Variants in ATP10B observed in about 807,000 individuals in gnomAD.
The protein encoded by ATP10B is phospholipid-transporting ATPase VB.
ATP10B carries 122 observed loss-of-function variants against 141.2 expected under a neutral mutation model. The observed-to-expected ratio is 0.86, with a 90% confidence interval of 0.75 to 1.00. The LOEUF (loss-of-function observed/expected upper bound fraction) is 1.00. Among genes scored for constraint, ATP10B ranks in the 50% least tolerant of loss-of-function variants. ATP10B has a pLI of 0.00. For missense variants in ATP10B, 1,876 were observed against 1,825.3 expected, an observed-to-expected ratio of 1.03 and a Z score of -0.51; for synonymous variants, 685 against 692.0, an observed-to-expected ratio of 0.99 and a Z score of 0.16.
chr5:160,748,585 G>A (rs1213977123), intron 2 of ATP10B, among the ~76,000 whole-genome samples: 1 of 152,166 alleles, frequency 6.6e-6, no homozygotes, highest in East Asian at 1.9e-4. Context: ...CAGTAGACCT[G>A]GCTCCTGCAG....
At chr5:160,571,989 T>A (rs1354051018) in intron 24 of ATP10B, among the ~76,000 whole-genome samples, 1 of 152,210 alleles carries the variant, frequency 6.6e-6, no homozygotes, top group Non-Finnish European at 1.5e-5. Flanking sequence ...TAATGTTGTC[T>A]CTTAGACTCC....
At chr5:160,625,012 G>GT (rs1307012876) in intron 13 of ATP10B, among the ~76,000 whole-genome samples, 1 of 152,136 alleles carries the variant, frequency 6.6e-6, no homozygotes, top group Non-Finnish European at 1.5e-5. Context: ...TATTCATGTG[G>GT]TGTTTCTTAT....
At chr5:160,684,538 G>T (rs544771410) in intron 6 of ATP10B, among the ~76,000 whole-genome samples, 8 of 152,178 alleles carry the variant, frequency 5.3e-5, no homozygotes. Flanking sequence ...TGTGCTCATG[G>T]CCACACTGGG....
At chr5:160,772,389 C>A (rs567645646) in intron 2 of ATP10B, among the ~76,000 whole-genome samples, 1 of 152,248 alleles carries the variant, frequency 6.6e-6, no homozygotes, top group South Asian at 2.1e-4. Context: ...GCCTGTCATC[C>A]AGGAAGCCAA....
chr5:160,615,669 T>C (rs1390696545), intron 17 of ATP10B, among the ~76,000 whole-genome samples, 169 bp downstream of exon 17: 1 of 152,012 alleles, frequency 6.6e-6, no homozygotes, highest in Admixed American at 6.6e-5. Context: ...CTGTGTGTGG[T>C]GTCTGGGTTG....
chr5:160,672,130 C>A (rs989134914), intron 6 of ATP10B, among the ~76,000 whole-genome samples: 8 of 151,932 alleles, frequency 5.3e-5, no homozygotes, highest in Admixed American at 4.6e-4. Flanking sequence ...GCGCCTGCCA[C>A]CATGTCCAGC....
chr5:160,789,871 A>C (rs1262597715), intron 1 of ATP10B, among the ~76,000 whole-genome samples: 3 of 152,202 alleles, frequency 2.0e-5, no homozygotes, highest in Non-Finnish European at 2.9e-5. Context: ...GTATCTGTTA[A>C]CCAATCAAGC....
At chr5:160,841,336 T>C (rs1385778474) in intron 1 of ATP10B, among the ~76,000 whole-genome samples, 1 of 152,092 alleles carries the variant, frequency 6.6e-6, no homozygotes, top group Non-Finnish European at 1.5e-5. Flanking sequence ...TGTTACCTTG[T>C]ATAAAAGAAA....
intron 2 of ATP10B, among the ~76,000 whole-genome samples, chr5:160,726,896 T>A (rs183097865): frequency 1.1e-4 from 17 of 151,886 alleles, no homozygotes; most frequent in African/African-American, 3.9e-4. Flanking sequence ...CTCAAAAGAG[T>A]GCAACCATTT....
chr5:160,576,417 G>C (rs1755189708), intron 24 of ATP10B, among the ~76,000 whole-genome samples: 2 of 152,236 alleles, frequency 1.3e-5, no homozygotes, highest in South Asian at 2.1e-4. Flanking sequence ...ATGGGAAGCA[G>C]TTATCTTTGA....
chr5:160,882,394 C>T, the ATP10B span, among the ~76,000 whole-genome samples: 1 of 152,126 alleles, frequency 6.6e-6, no homozygotes, highest in African/African-American at 2.4e-5. Flanking sequence ...TTCCTCTCAA[C>T]TTTGCTGTGA....
the ATP10B span, among the ~76,000 whole-genome samples, chr5:160,906,500 C>T: frequency 3.3e-5 from 5 of 152,242 alleles, no homozygotes; most frequent in South Asian, 1.0e-3. Flanking sequence ...GGTTTTGTTT[C>T]CTCTCACCTC....
intron 2 of ATP10B, among the ~76,000 whole-genome samples, chr5:160,732,656 T>C (rs1440764982): frequency 6.6e-6 from 1 of 152,224 alleles, no homozygotes; most frequent in Non-Finnish European, 1.5e-5. Context: ...CATTGGTCTA[T>C]GTGGCTGTTT....
At chr5:160,788,370 A>G (rs1413734882) in intron 1 of ATP10B, among the ~76,000 whole-genome samples, 1 of 152,200 alleles carries the variant, frequency 6.6e-6, no homozygotes, top group Non-Finnish European at 1.5e-5. Context: ...GGATTTTGAA[A>G]GTAGAAATAT....
chr5:160,805,321 G>A (rs1473518641), intron 1 of ATP10B, among the ~76,000 whole-genome samples: 1 of 152,150 alleles, frequency 6.6e-6, no homozygotes, highest in Non-Finnish European at 1.5e-5. Context: ...CTCCTGCATG[G>A]CAGCTCCTCA....
chr5:160,682,390 C>A (rs1188251040), intron 6 of ATP10B, among the ~76,000 whole-genome samples: 2 of 152,184 alleles, frequency 1.3e-5, no homozygotes, highest in African/African-American at 4.8e-5. Flanking sequence ...CTCCTCCCTG[C>A]CAGTGAGCTG....
rs1232830065 is a variant in ATP10B, at chr5:160,594,582, A to T, written c.3565-3443T>A. Among the ~76,000 whole-genome samples, 6 of 152,002 alleles carry T rather than the reference A, an allele frequency of 3.9e-5. No homozygotes were observed. The East Asian group carries it at 9.6e-4, about 24-fold the overall frequency. On this transcript the variant is annotated intron_variant, in intron 22 of 25. Transcript: ENST00000327245. ...ATGGACTAAATGCTCCAATTAAAAG[A>T]CACAGACTGGCAAATTGGATAAAGA...
chr5:160,620,958 C>A lies in ATP10B; in HGVS notation c.1813-8G>T. The A allele has an allele frequency of 6.2e-7, 1 of 1,601,244 alleles. No homozygotes were observed. Among genetic ancestry groups the A allele is most frequent in the Non-Finnish European group, 8.5e-7 (1 of 1,173,338 alleles). On this transcript the variant is annotated splice_region_variant and splice_polypyrimidine_tract_variant and intron_variant, in intron 14 of 25. Coordinates refer to ENST00000327245, the MANE Select transcript of ATP10B (RefSeq NM_025153.3). ...TGAGGGTTTGATGGTGACCTTGTGG[C>A]CAAAGAAGGAAAGTGGAATATTACT...
intron 1 of ATP10B, among the ~76,000 whole-genome samples, chr5:160,837,297 A>C (rs1333281636): frequency 2.0e-5 from 3 of 152,182 alleles, no homozygotes; most frequent in Admixed American, 6.6e-5. Flanking sequence ...CATACAGAAA[A>C]TTTAGCTTTT....
Sources: gnomAD v4.1 joint callset for allele counts (sites outside exome capture counted in the v4.1 genomes callset) on GRCh38, gnomAD v4.1.1 for gene constraint, MANE v1.5 for transcripts, NCBI Gene and HGNC (gene_info 2026-07-23, HGNC 2026-07-21) for gene names.